The following BBS9 variants were observed in gnomAD, a reference collection of about 807,000 sequenced individuals.
BBS9 encodes Bardet-Biedl syndrome 9.
BBS9 carries 89 observed loss-of-function variants against 117.7 expected under a neutral mutation model. The ratio of observed to expected loss-of-function variants is 0.76; its 90% CI spans 0.64 to 0.90. The LOEUF (loss-of-function observed/expected upper bound fraction) is 0.90. BBS9 is among the 40% of genes least tolerant of loss of function. The probability of loss-of-function intolerance (pLI) is 0.00; values close to 1 mark genes in which losing one functional copy is unlikely to be tolerated. For missense variants in BBS9, 982 were observed against 1,042.2 expected, an observed-to-expected ratio of 0.94 and a Z score of 0.80; for synonymous variants, 379 against 370.9, an observed-to-expected ratio of 1.02 and a Z score of -0.25.
intron 19 of BBS9, among the ~76,000 whole-genome samples, chr7:33,492,409 C>T (rs969653858): frequency 9.2e-5 from 14 of 151,988 alleles, no homozygotes; most frequent in African/African-American, 1.7e-4. Flanking sequence ...AGCTTAAAGA[C>T]GTCGAGGACC....
At chr7:33,449,983 A>G (rs1050579803) in intron 19 of BBS9, among the ~76,000 whole-genome samples, 1 of 152,248 alleles carries the variant, frequency 6.6e-6, no homozygotes, top group East Asian at 1.9e-4. Flanking sequence ...CATTCCCCAC[A>G]TGACTGAAAC....
chr7:33,263,972 G>GT (rs1798384774), intron 6 of BBS9, among the ~76,000 whole-genome samples: 1 of 151,992 alleles, frequency 6.6e-6, no homozygotes, highest in African/African-American at 2.4e-5. Context: ...TCTATTTGGT[G>GT]TTTAGGTGCT....
intron 5 of BBS9, among the ~76,000 whole-genome samples, chr7:33,193,223 A>C (rs1334999552): frequency 6.6e-6 from 1 of 151,888 alleles, no homozygotes; most frequent in Non-Finnish European, 1.5e-5. Context: ...TTAGGGTTTT[A>C]TTTGGGTTCT....
chr7:33,562,318 C>T (rs1246729384), intron 21 of BBS9, among the ~76,000 whole-genome samples: 3 of 152,070 alleles, frequency 2.0e-5, no homozygotes, highest in Non-Finnish European at 4.4e-5. Context: ...TGGGGGATTC[C>T]TTAAGGAGAT....
At chr7:33,177,337 A>G in intron 4 of BBS9, 141 bp from the exon 5 acceptor site, 1 of 663,690 alleles carries the variant, frequency 1.5e-6, no homozygotes, top group South Asian at 1.7e-5. Flanking sequence ...CAGTATGCTA[A>G]TTTTTCACAA....
chr7:33,353,329 T>G (rs1170012084), intron 15 of BBS9, among the ~76,000 whole-genome samples: 1 of 152,198 alleles, frequency 6.6e-6, no homozygotes, highest in Non-Finnish European at 1.5e-5. Flanking sequence ...GTGGGCATAT[T>G]CCTTGTCTTG....
intron 21 of BBS9, among the ~76,000 whole-genome samples, chr7:33,566,014 G>T (rs532410684): frequency 6.6e-6 from 1 of 150,742 alleles, no homozygotes; most frequent in Non-Finnish European, 1.5e-5. Context: ...AAGGAGTGTG[G>T]TCTGCGGATA....
intron 19 of BBS9, among the ~76,000 whole-genome samples, chr7:33,460,639 CAT>C (rs956870752): frequency 3.3e-5 from 5 of 151,798 alleles, no homozygotes; most frequent in African/African-American, 1.2e-4. Flanking sequence ...CACTTTTAAA[CAT>C]AGAATTGTCA....
At chr7:33,349,350 A>G (rs758581980) in intron 13 of BBS9, 180 bp downstream of exon 13, 56 of 637,510 alleles carry the variant, frequency 8.8e-5, no homozygotes, top group Non-Finnish European at 1.4e-4. Flanking sequence ...CGTTCAATCA[A>G]TGATTGTTGG....
chr7:33,501,775 A>G lies in BBS9; in HGVS notation c.2116-3688A>G, dbSNP rs1246494116. The stretch of plus-strand genomic sequence containing the variant: ...CCTCCATTAAGTAACACCCACACTC[A>G]GAATACTCTGTGGCTCCCCAGTGCC... On this transcript the variant is annotated intron_variant, in intron 19 of 22. Transcript: ENST00000242067. 2.0e-5 allele frequency among the ~76,000 whole-genome samples: 3 copies of G among 152,234 alleles called. No homozygotes were observed. The East Asian group carries it at 5.8e-4, about 29-fold the overall frequency.
intron 1 of BBS9, among the ~76,000 whole-genome samples, chr7:33,134,215 ATT>A (rs59609414): frequency 0.03 from 3,550 of 118,012 alleles, 78 homozygotes; most frequent in African/African-American, 0.11. Flanking sequence ...ACGCCTGGCT[ATT>A]TTTTTTTTTT....
At position 33,412,499 on chromosome 7, in the gene BBS9, T is replaced by C. The variant is rs550644989; in HGVS notation, c.2115+24355T>C. Among the ~76,000 whole-genome samples the C allele has an allele frequency of 7.9e-5, 12 of 152,354 alleles. No homozygotes were observed. In the South Asian group the frequency reaches 2.1e-3, roughly 26 times the overall value. ...AGGAAATTATTTTGCTAATGAGATA[T>C]GCACTTTACAACTTGCATGCCTATG... On this transcript the variant is annotated intron_variant, in intron 19 of 22. Transcript: ENST00000242067.
chr7:33,256,178 C>CA (rs1221068635), intron 5 of BBS9, among the ~76,000 whole-genome samples: 2 of 148,894 alleles, frequency 1.3e-5, no homozygotes, highest in South Asian at 2.1e-4. Flanking sequence ...AAAAAACAAA[C>CA]AAAAAAAACC....
intron 9 of BBS9, among the ~76,000 whole-genome samples, chr7:33,277,278 G>A (rs1800944597): frequency 6.6e-6 from 1 of 152,198 alleles, no homozygotes; most frequent in Non-Finnish European, 1.5e-5. Flanking sequence ...AGAAATCACA[G>A]CACTTGGATT....
chr7:33,323,833 C>CTTTTTTTTTT (rs1227126451), intron 9 of BBS9, among the ~76,000 whole-genome samples: 11 of 105,162 alleles, frequency 1.0e-4, no homozygotes, highest in African/African-American at 2.0e-4. Flanking sequence ...TCCTGTCTTC[C>CTTTTTTTTTT]TTTTTTTTTT....
Position 33,470,369 on chromosome 7 carries a change from A to T in BBS9, c.2116-35094A>T, listed in dbSNP as rs571485583. 9.9e-5 allele frequency among the ~76,000 whole-genome samples: 15 copies of T among 151,710 alleles called. No individual in the cohort carries two copies. The East Asian group carries it at 1.5e-3, about 16-fold the overall frequency. ...CTAGAATCTAGGTTTTTTATTTTTT[A>T]AAAAAATCACTTCTGGACCTTCTAA... On this transcript the variant is annotated intron_variant, in intron 19 of 22. Coordinates refer to ENST00000242067, the MANE Select transcript of BBS9 (RefSeq NM_198428.3).
intron 19 of BBS9, among the ~76,000 whole-genome samples, chr7:33,492,724 G>A (rs1224403896): frequency 1.3e-5 from 2 of 151,710 alleles, no homozygotes; most frequent in African/African-American, 4.8e-5. Flanking sequence ...GAGATCAGTT[G>A]TTGGGGAGGA....
At chr7:33,409,459 G>C (rs1390426278) in intron 19 of BBS9, among the ~76,000 whole-genome samples, 1 of 152,126 alleles carries the variant, frequency 6.6e-6, no homozygotes, top group Non-Finnish European at 1.5e-5. Flanking sequence ...AAGATTGATG[G>C]TTATAGGTGT....
chr7:33,598,906 C>T (rs1214697984), intron 21 of BBS9, among the ~76,000 whole-genome samples: 2 of 152,156 alleles, frequency 1.3e-5, no homozygotes, highest in Non-Finnish European at 2.9e-5. Context: ...ACTTATGGCC[C>T]ACAGGCCAAA....
Sources: gnomAD v4.1 joint callset for allele counts (sites outside exome capture counted in the v4.1 genomes callset) on GRCh38, gnomAD v4.1.1 for gene constraint, MANE v1.5 for transcripts, NCBI Gene and HGNC (gene_info 2026-07-23, HGNC 2026-07-21) for gene names.